The following PCDH9 variants were observed in gnomAD, a reference collection of about 807,000 sequenced individuals.
PCDH9 encodes protocadherin-9.
PCDH9 carries 24 observed loss-of-function variants against 70.6 expected under a neutral mutation model. The ratio of observed to expected loss-of-function variants is 0.34; its 90% CI spans 0.25 to 0.48. PCDH9 has a LOEUF of 0.48. Ranked by LOEUF, PCDH9 falls within the 20% of genes least tolerant of loss-of-function variation. PCDH9 has a pLI of 0.99. For missense variants in PCDH9, 1,281 were observed against 1,503.6 expected (o/e 0.85, Z 2.45); for synonymous variants, 562 against 558.5 (o/e 1.01, Z -0.09).
At chr13:66,615,938 C>T (rs114802095) in intron 4 of PCDH9, among the ~76,000 whole-genome samples, 2,088 of 152,292 alleles carry the variant, frequency 0.014, 57 homozygotes, top group African/African-American at 0.047. Context: ...CAATAAGGAT[C>T]CATTTTTCTT....
chr13:66,982,114 TG>T (rs2139775511), intron 2 of PCDH9, among the ~76,000 whole-genome samples: 1 of 152,280 alleles, frequency 6.6e-6, no homozygotes, highest in East Asian at 1.9e-4. Flanking sequence ...GTGGCACCCC[TG>T]CCCCACTCAC....
At chr13:67,052,033 A>G (rs558077395) in intron 2 of PCDH9, among the ~76,000 whole-genome samples, 1 of 152,294 alleles carries the variant, frequency 6.6e-6, no homozygotes, top group Non-Finnish European at 1.5e-5. Flanking sequence ...AAGAAATAAA[A>G]CTCAGAGAAA....
chr13:67,015,418 T>C (rs1049369285), intron 2 of PCDH9, among the ~76,000 whole-genome samples: 5 of 152,304 alleles, frequency 3.3e-5, no homozygotes, highest in Middle Eastern at 3.4e-3. Context: ...CTTCTCTCCA[T>C]TGAGCTTTGC....
intron 4 of PCDH9, among the ~76,000 whole-genome samples, chr13:66,605,639 T>G (rs2077213512): frequency 6.6e-6 from 1 of 152,186 alleles, no homozygotes; most frequent in African/African-American, 2.4e-5. Flanking sequence ...GACAGACTAT[T>G]CAGCAGGACT....
intron 4 of PCDH9, among the ~76,000 whole-genome samples, chr13:66,392,356 C>T (rs1205313559): frequency 1.3e-5 from 2 of 151,982 alleles, no homozygotes; most frequent in Non-Finnish European, 2.9e-5. Flanking sequence ...AATTGTTATT[C>T]ATGGCATTTT....
At chr13:66,856,593 A>G (rs957647332) in intron 3 of PCDH9, among the ~76,000 whole-genome samples, 2 of 152,190 alleles carry the variant, frequency 1.3e-5, no homozygotes, top group Non-Finnish European at 1.5e-5. Context: ...TGAAAAATCA[A>G]GAGTCCCCAT....
chr13:66,454,344 A>G (rs1958275056), intron 4 of PCDH9, among the ~76,000 whole-genome samples: 1 of 152,188 alleles, frequency 6.6e-6, no homozygotes, highest in East Asian at 1.9e-4. Flanking sequence ...AGCACCTATA[A>G]TGTTTAAGAA....
At chr13:66,847,487 A>G (rs2081232487) in intron 3 of PCDH9, among the ~76,000 whole-genome samples, 1 of 152,212 alleles carries the variant, frequency 6.6e-6, no homozygotes, top group Non-Finnish European at 1.5e-5. Context: ...GACAATAACT[A>G]ATAATAAAAT....
intron 2 of PCDH9, among the ~76,000 whole-genome samples, chr13:66,920,919 T>C (rs540602131): frequency 2.6e-5 from 4 of 151,392 alleles, no homozygotes; most frequent in South Asian, 2.1e-4. Flanking sequence ...TCTGAAATTA[T>C]AGTAAAACCA....
chr13:67,204,679 A>G (rs1242086061), intron 2 of PCDH9: 1 of 152,170 alleles, frequency 6.6e-6, no homozygotes, highest in African/African-American at 2.4e-5. Context: ...GTCACTACAA[A>G]TTATCACCAA....
chr13:66,414,981 G>A (rs17081266), intron 4 of PCDH9, among the ~76,000 whole-genome samples: 1,918 of 152,192 alleles, frequency 0.013, 20 homozygotes, highest in East Asian at 0.069. Context: ...CCATTGCTCA[G>A]AGGAAGATAT....
chr13:66,945,839 A>G (rs1447999757), intron 2 of PCDH9, among the ~76,000 whole-genome samples: 1 of 152,170 alleles, frequency 6.6e-6, no homozygotes, highest in Non-Finnish European at 1.5e-5. Flanking sequence ...GTACATGTGT[A>G]AGAAATACTC....
chr13:66,384,808 GCACCTGCCACCACT>G (rs1956902265), intron 4 of PCDH9, among the ~76,000 whole-genome samples: 1 of 150,198 alleles, frequency 6.7e-6, no homozygotes, highest in Non-Finnish European at 1.5e-5. Flanking sequence ...GGGATTACAG[GCACCTGCCACCACT>G]CCCAGATAAT....
intron 2 of PCDH9, among the ~76,000 whole-genome samples, chr13:67,017,890 T>C (rs1166978734): frequency 6.6e-6 from 1 of 152,198 alleles, no homozygotes. Flanking sequence ...CTCCATAAAG[T>C]ACATATTAAT....
chr13:66,797,956 G>A (rs1294866047), intron 3 of PCDH9, among the ~76,000 whole-genome samples: 1 of 148,696 alleles, frequency 6.7e-6, no homozygotes, highest in Non-Finnish European at 1.5e-5. Flanking sequence ...TTTGTTTCTT[G>A]GGGGGTGTGT....
chr13:66,779,866 T>TATATAC (rs1336725254), intron 3 of PCDH9, among the ~76,000 whole-genome samples: 68 of 71,742 alleles, frequency 9.5e-4, no homozygotes, highest in Admixed American at 4.3e-3. Flanking sequence ...TATATATATA[T>TATATAC]ACATATATGT....
chr13:66,982,110 C>A (rs1293879417), intron 2 of PCDH9, among the ~76,000 whole-genome samples: 1 of 152,066 alleles, frequency 6.6e-6, no homozygotes, highest in African/African-American at 2.4e-5. Flanking sequence ...GCATGTGGCA[C>A]CCCTGCCCCA....
intron 3 of PCDH9, among the ~76,000 whole-genome samples, chr13:66,662,172 C>A (rs1159454075): frequency 6.6e-6 from 1 of 151,704 alleles, no homozygotes; most frequent in Non-Finnish European, 1.5e-5. Context: ...AAGATGAGAA[C>A]CTAAAGAATG....
At chr13:67,191,191 C>A (rs2088901342) in intron 2 of PCDH9, among the ~76,000 whole-genome samples, 1 of 152,044 alleles carries the variant, frequency 6.6e-6, no homozygotes, top group African/African-American at 2.4e-5. Flanking sequence ...AATTCTCATT[C>A]CACAAGTAAT....
Sources: allele counts gnomAD v4.1 joint callset (sites outside exome capture counted in the v4.1 genomes callset), GRCh38; gene constraint gnomAD v4.1.1; transcripts MANE v1.5; gene names NCBI Gene and HGNC (gene_info 2026-07-23, HGNC 2026-07-21).